Variants in MEF2A observed in about 807,000 individuals in gnomAD.
The protein encoded by MEF2A is myocyte-specific enhancer factor 2A.
A neutral mutation model predicts 55.8 loss-of-function variants in MEF2A; 28 were observed. The ratio of observed to expected loss-of-function variants is 0.50; its 90% confidence interval spans 0.37 to 0.69. The LOEUF is 0.69. Ranked by LOEUF, MEF2A falls within the 30% of genes least tolerant of loss-of-function variation. MEF2A has a pLI of 0.00. For synonymous variants in MEF2A, 239 were observed against 227.1 expected, an observed-to-expected ratio of 1.05 and a Z score of -0.47; for missense variants, 528 against 626.2, an observed-to-expected ratio of 0.84 and a Z score of 1.67.
At chr15:99,602,589 T>C (rs900141654) in intron 2 of MEF2A, among the ~76,000 whole-genome samples, 1 of 151,796 alleles carries the variant, frequency 6.6e-6, no homozygotes, top group South Asian at 2.1e-4. Flanking sequence ...CGACCAATTA[T>C]CATTTTAGAG....
intron 3 of MEF2A, 137 bp from the exon 4 acceptor site, chr15:99,645,424 C>T: frequency 1.6e-6 from 1 of 637,334 alleles, no homozygotes; most frequent in Non-Finnish European, 2.7e-6. Context: ...AGGGAAGGCT[C>T]ATATGGAGGA....
intron 3 of MEF2A, among the ~76,000 whole-genome samples, chr15:99,641,208 G>GT (rs2044856613): frequency 6.6e-6 from 1 of 152,178 alleles, no homozygotes; most frequent in African/African-American, 2.4e-5. Flanking sequence ...GAGGTTCTGA[G>GT]TAAGAATGGT....
At chr15:99,572,042 G>T (rs1962572300) in intron 1 of MEF2A, among the ~76,000 whole-genome samples, 1 of 136,782 alleles carries the variant, frequency 7.3e-6, no homozygotes. Flanking sequence ...TCTTCACACA[G>T]CAGCCTGAGA....
At chr15:99,634,944 C>CTA (rs2043527213) in intron 3 of MEF2A, among the ~76,000 whole-genome samples, 1 of 152,102 alleles carries the variant, frequency 6.6e-6, no homozygotes, top group Non-Finnish European at 1.5e-5. Context: ...TTGTCACAAA[C>CTA]TAAAAGAGTA....
intron 2 of MEF2A, among the ~76,000 whole-genome samples, chr15:99,600,336 T>A (rs1972562254): frequency 6.6e-6 from 1 of 152,170 alleles, no homozygotes; most frequent in Admixed American, 6.5e-5. Flanking sequence ...TGTGCCTGAG[T>A]TAATAACTAC....
At chr15:99,687,946 G>A (rs868320640) in intron 7 of MEF2A, among the ~76,000 whole-genome samples, 9 of 151,932 alleles carry the variant, frequency 5.9e-5, no homozygotes, top group Non-Finnish European at 8.8e-5. Flanking sequence ...CCAATTTTAG[G>A]CAGTTGCTAG....
chr15:99,661,962 AAT>A (rs2048720907), intron 4 of MEF2A, among the ~76,000 whole-genome samples: 1 of 152,150 alleles, frequency 6.6e-6, no homozygotes, highest in Non-Finnish European at 1.5e-5. Context: ...AGCCAGCTAT[AAT>A]TCTGTGTAAC....
intron 10 of MEF2A, 81 bp downstream of exon 10, chr15:99,706,936 G>A: frequency 6.9e-7 from 1 of 1,448,468 alleles, no homozygotes; most frequent in Non-Finnish European, 9.3e-7. Context: ...TTTTTTTTAA[G>A]TATATTTATT....
chr15:99,686,837 C>T (rs2054327688), intron 7 of MEF2A, among the ~76,000 whole-genome samples: 1 of 152,058 alleles, frequency 6.6e-6, no homozygotes, highest in African/African-American at 2.4e-5. Context: ...TCTCTTCTTC[C>T]TCAAGAACAC....
At chr15:99,613,914 A>G (rs2039738171) in intron 2 of MEF2A, among the ~76,000 whole-genome samples, 1 of 152,208 alleles carries the variant, frequency 6.6e-6, no homozygotes, top group African/African-American at 2.4e-5. Context: ...CCATAAACTC[A>G]TGAAATTGGG....
intron 3 of MEF2A, among the ~76,000 whole-genome samples, chr15:99,634,559 CAT>C (rs1346174837): frequency 2.6e-5 from 4 of 152,112 alleles, no homozygotes; most frequent in Non-Finnish European, 5.9e-5. Flanking sequence ...CTGGAGGACA[CAT>C]AAAATTTTCG....
intron 8 of MEF2A, among the ~76,000 whole-genome samples, chr15:99,700,908 GAATA>G (rs1451007504): frequency 3.2e-5 from 3 of 94,038 alleles, no homozygotes; most frequent in Non-Finnish European, 8.7e-5. Context: ...ATAAATGATA[GAATA>G]AATAAGGGGA....
At chr15:99,571,461 C>G (rs917707427) in intron 1 of MEF2A, among the ~76,000 whole-genome samples, 1 of 152,130 alleles carries the variant, frequency 6.6e-6, no homozygotes, top group Non-Finnish European at 1.5e-5. Context: ...ACTGCTATTG[C>G]TGTTAGTCAT....
At chr15:99,651,660 C>T (rs186826822) in intron 4 of MEF2A, among the ~76,000 whole-genome samples, 162 of 152,312 alleles carry the variant, frequency 1.1e-3, no homozygotes, top group African/African-American at 3.8e-3. Flanking sequence ...ACTGCACCAT[C>T]GCCTCACACA....
chr15:99,686,496 A>C (rs920601048), intron 7 of MEF2A, among the ~76,000 whole-genome samples: 2 of 152,226 alleles, frequency 1.3e-5, no homozygotes, highest in Non-Finnish European at 2.9e-5. Flanking sequence ...TGCTGGGTAC[A>C]GAACTCTTGA....
At chr15:99,641,276 C>G (rs904049334) in intron 3 of MEF2A, among the ~76,000 whole-genome samples, 2 of 152,192 alleles carry the variant, frequency 1.3e-5, no homozygotes, top group African/African-American at 4.8e-5. Flanking sequence ...CAACTCCTAT[C>G]TCCAGCAGAG....
At chr15:99,686,616 G>A (rs968792037) in intron 7 of MEF2A, among the ~76,000 whole-genome samples, 2 of 152,096 alleles carry the variant, frequency 1.3e-5, no homozygotes, top group African/African-American at 4.8e-5. Flanking sequence ...TCCTTTGTTG[G>A]TTACCTGATG....
At chr15:99,639,319 G>A (rs1254018011) in intron 3 of MEF2A, among the ~76,000 whole-genome samples, 1 of 151,948 alleles carries the variant, frequency 6.6e-6, no homozygotes, top group East Asian at 1.9e-4. Context: ...TTTTTTAACA[G>A]GTATTATTTA....
At chr15:99,599,327 A>G (rs534722540) in intron 2 of MEF2A, among the ~76,000 whole-genome samples, 1 of 152,294 alleles carries the variant, frequency 6.6e-6, no homozygotes, top group Admixed American at 6.5e-5. Context: ...CATTTTAAAT[A>G]TTAGATATCA....
Sources: allele counts gnomAD v4.1 joint callset (sites outside exome capture counted in the v4.1 genomes callset), GRCh38; gene constraint gnomAD v4.1.1; transcripts MANE v1.5; gene names NCBI Gene and HGNC (gene_info 2026-07-23, HGNC 2026-07-21).